MET: variants seen among roughly 807,000 people sequenced by gnomAD.
MET encodes MET proto-oncogene, receptor tyrosine kinase.
In MET, 48 loss-of-function variants were observed where a neutral mutation model predicts 133.1. The ratio of observed to expected loss-of-function variants is 0.36; its 90% CI spans 0.29 to 0.46. The LOEUF (loss-of-function observed/expected upper bound fraction) is 0.46. Ranked by LOEUF, MET falls within the 20% of genes least tolerant of loss-of-function variation. MET has a pLI of 1.00. For synonymous variants in MET, 628 were observed against 616.5 expected, an observed-to-expected ratio of 1.02 and a Z score of -0.28; for missense variants, 1,442 against 1,695.9, an observed-to-expected ratio of 0.85 and a Z score of 2.63.
At chr7:116,708,543 A>T (rs371342329) in intron 2 of MET, among the ~76,000 whole-genome samples, 1 of 152,170 alleles carries the variant, frequency 6.6e-6, no homozygotes, top group African/African-American at 2.4e-5. Context: ...AACAGCAGTA[A>T]ATGTGTTTAA....
At chr7:116,716,463 GAAAGAGAAAGAA>G (rs1357660311) in intron 2 of MET, among the ~76,000 whole-genome samples, 1 of 129,042 alleles carries the variant, frequency 7.7e-6, no homozygotes, top group African/African-American at 3.0e-5. Flanking sequence ...AGAAAAGAAA[GAAAGAGAAAGAA>G]AGAAAGAAAG....
intron 11 of MET, among the ~76,000 whole-genome samples, chr7:116,768,475 A>G (rs1794711305): frequency 6.6e-6 from 1 of 152,156 alleles, no homozygotes; most frequent in Non-Finnish European, 1.5e-5. Context: ...TCAATGGACT[A>G]CACATACTGC....
chr7:116,785,951 C>T (rs966533708), intron 19 of MET, among the ~76,000 whole-genome samples: 1 of 152,216 alleles, frequency 6.6e-6, no homozygotes, highest in African/African-American at 2.4e-5. Context: ...GCAGAGAAGT[C>T]CATCAGGCAA....
chr7:116,794,790 ACT>A (rs1186643105), intron 19 of MET, among the ~76,000 whole-genome samples: 1 of 152,106 alleles, frequency 6.6e-6, no homozygotes, highest in Non-Finnish European at 1.5e-5. Flanking sequence ...GCCCATGCTG[ACT>A]CTCCTCGTGT....
At chr7:116,712,354 C>G (rs919722927) in intron 2 of MET, among the ~76,000 whole-genome samples, 2 of 152,176 alleles carry the variant, frequency 1.3e-5, no homozygotes, top group East Asian at 3.8e-4. Context: ...TACCATGTCT[C>G]TTATCACACT....
chr7:116,751,612 A>G (rs147081516), intron 5 of MET, among the ~76,000 whole-genome samples: 37 of 152,316 alleles, frequency 2.4e-4, no homozygotes, highest in Admixed American at 8.5e-4. Flanking sequence ...TTACAGTTCT[A>G]GATATGAGAG....
chr7:116,707,870 TG>T (rs1451549590), intron 2 of MET, among the ~76,000 whole-genome samples: 1 of 152,190 alleles, frequency 6.6e-6, no homozygotes, highest in Non-Finnish European at 1.5e-5. Context: ...TTACATTACC[TG>T]CTTGTTCTTT....
chr7:116,699,217 A>C lies in MET; in HGVS notation c.133A>C (p.Asn45His), dbSNP rs2116581127. 6.2e-7 allele frequency: 1 copy of C among 1,613,990 alleles called. No individual in the cohort carries two copies. The highest frequency in any genetic ancestry group is 8.5e-7 in the Non-Finnish European group (1 of 1,179,924). The stretch of plus-strand genomic sequence containing the variant: ...TGTGAATATGAAGTATCAGCTTCCC[A>C]ACTTCACCGCGGAAACACCCATCCA... ...MNVNMKYQLP[N>H]FTAETPIQNV... The change falls in exon 2 of 21, where the codon AAC becomes CAC. Residue 45 changes from asparagine to histidine, a missense_variant. Asn to His is a moderately conservative substitution (Grantham distance 68, BLOSUM62 1). Coordinates refer to ENST00000397752, the MANE Select transcript of MET (RefSeq NM_000245.4).
rs2116997300 is a variant in MET, at chr7:116,771,958, A to G, written c.2997A>G (p.Glu999=). The change falls in exon 14 of 21, where the codon GAA becomes GAG. Residue 999 remains glutamate, a synonymous_variant. Coordinates refer to ENST00000397752, the MANE Select transcript of MET (RefSeq NM_000245.4). The stretch of plus-strand genomic sequence containing the variant: ...CAACTACAGAAATGGTTTCAAATGA[A>G]TCTGTAGACTACCGAGCTACTTTTC... ...VSPTTEMVSN[E]SVDYRATFPE... 1 of 1,613,908 alleles carries G rather than the reference A, an allele frequency of 6.2e-7. No individual in the cohort carries two copies. Among genetic ancestry groups the G allele is most frequent in the Non-Finnish European group, 8.5e-7 (1 of 1,179,836 alleles).
intron 2 of MET, among the ~76,000 whole-genome samples, chr7:116,706,980 AC>A (rs1791822375): frequency 6.6e-6 from 1 of 151,228 alleles, no homozygotes; most frequent in African/African-American, 2.4e-5. Context: ...TTTTTTTCTA[AC>A]TAAAATGTTC....
At chr7:116,729,772 CTT>C (rs1792927610) in intron 2 of MET, among the ~76,000 whole-genome samples, 1 of 152,312 alleles carries the variant, frequency 6.6e-6, no homozygotes, top group African/African-American at 2.4e-5. Flanking sequence ...CTTATAAACT[CTT>C]TTAACTTCCC....
At chr7:116,743,857 CT>C (rs1177154202) in intron 5 of MET, among the ~76,000 whole-genome samples, 1 of 152,202 alleles carries the variant, frequency 6.6e-6, no homozygotes, top group African/African-American at 2.4e-5. Context: ...GCAATCTTTG[CT>C]GTTCTACAGC....
chr7:116,769,552 G>C (rs1794761081), intron 11 of MET, 93 bp from the exon 12 acceptor site: 3 of 1,481,162 alleles, frequency 2.0e-6, no homozygotes, highest in Non-Finnish European at 2.8e-6. Context: ...AACATGGCCT[G>C]TGTTTGCAGT....
Position 116,757,427 on chromosome 7 carries a change from T to C in MET, c.1863-10T>C, listed in dbSNP as rs758048261. ...TTTGTCATGTATTAAACTTTGGGTTTTTTTTCCAGATTGAAATGCACAGTT... is the reference window on the plus strand; with the variant it reads ...TTTGTCATGTATTAAACTTTGGGTTCTTTTTCCAGATTGAAATGCACAGTT... On this transcript the variant is annotated splice_polypyrimidine_tract_variant and intron_variant, in intron 6 of 20. Transcript: ENST00000397752. 4.3e-6 allele frequency: 7 copies of C among 1,611,774 alleles called. No individual in the cohort carries two copies. In the African/African-American group the frequency reaches 9.4e-5, roughly 22 times the overall value.
chr7:116,710,150 A>C (rs1391491424), intron 2 of MET, among the ~76,000 whole-genome samples: 1 of 152,180 alleles, frequency 6.6e-6, no homozygotes, highest in Non-Finnish European at 1.5e-5. Context: ...AACTAAACTT[A>C]CTCTCACTTT....
At chr7:116,758,108 G>C (rs2116927699) in intron 8 of MET, among the ~76,000 whole-genome samples, 1 of 152,236 alleles carries the variant, frequency 6.6e-6, no homozygotes, top group East Asian at 1.9e-4. Flanking sequence ...ATCAAGATTT[G>C]TAATTAGACT....
At position 116,754,635 on chromosome 7, in the gene MET, C is replaced by A. The variant is rs139220708; in HGVS notation, c.1702-720C>A. 4.6e-3 allele frequency among the ~76,000 whole-genome samples: 696 copies of A among 150,678 alleles called. 1 individual carries two copies. Among genetic ancestry groups the A allele is most frequent in the Non-Finnish European group, 6.7e-3 (454 of 67,750 alleles). ...CAGGAGTTTGAGACCAGCTGGGCAA[C>A]GTAGTGAGACCCTGTCTCTAGAAAA... is the stretch of plus-strand genomic sequence containing the variant. On this transcript the variant is annotated intron_variant, in intron 5 of 20. Coordinates refer to ENST00000397752, the MANE Select transcript of MET (RefSeq NM_000245.4).
chr7:116,752,076 A>G (rs943030870), intron 5 of MET, among the ~76,000 whole-genome samples: 7 of 152,120 alleles, frequency 4.6e-5, no homozygotes, highest in African/African-American at 1.7e-4. Flanking sequence ...AAAAAAAGAA[A>G]GAAAGAAAGA....
chr7:116,790,618 A>G lies in MET; in HGVS notation c.3799-5037A>G, dbSNP rs111522192. Among the ~76,000 whole-genome samples the G allele has an allele frequency of 1.6e-3, 238 of 152,244 alleles. 1 individual carries two copies. The highest frequency in any genetic ancestry group is 2.8e-3 in the Admixed American group (43 of 15,296). On this transcript the variant is annotated intron_variant, in intron 19 of 20. Coordinates refer to ENST00000397752, the MANE Select transcript of MET (RefSeq NM_000245.4). ...AGATCCTTTTTTTCAATTCTTTTGT[A>G]TATACACACAGAGACAGGATTGCTG...
Sources: gnomAD v4.1 joint callset for allele counts (sites outside exome capture counted in the v4.1 genomes callset) on GRCh38, gnomAD v4.1.1 for gene constraint, MANE v1.5 for transcripts, NCBI Gene and HGNC (gene_info 2026-07-23, HGNC 2026-07-21) for gene names.